The following BNC2 variants were observed in gnomAD, a reference collection of about 807,000 sequenced individuals.
The protein encoded by BNC2 is basonuclin zinc finger protein 2.
Under a neutral mutation model 76.3 loss-of-function variants are expected in BNC2, and 20 were observed. That is an observed-to-expected ratio of 0.26 (90% CI 0.18 to 0.38). The LOEUF (loss-of-function observed/expected upper bound fraction) is 0.38. Among genes scored for constraint, BNC2 ranks in the 10% least tolerant of loss-of-function variants. BNC2 has a pLI of 1.00. For missense variants in BNC2, 1,382 were observed against 1,399.8 expected, an observed-to-expected ratio of 0.99 and a Z score of 0.20; for synonymous variants, 582 against 514.8, an observed-to-expected ratio of 1.13 and a Z score of -1.77.
chr9:16,708,111 G>T (rs138935091), intron 3 of BNC2, among the ~76,000 whole-genome samples: 1 of 152,112 alleles, frequency 6.6e-6, no homozygotes, highest in Non-Finnish European at 1.5e-5. Context: ...AAAAAATGTC[G>T]TATCAGTAAG....
At chr9:16,785,599 T>C (rs1456202212) in intron 1 of BNC2, among the ~76,000 whole-genome samples, 2 of 149,970 alleles carry the variant, frequency 1.3e-5, no homozygotes, top group African/African-American at 4.9e-5. Flanking sequence ...GGTTTCACCA[T>C]GTTGGCCAGG....
chr9:16,868,596 A>C (rs973659204), intron 1 of BNC2, among the ~76,000 whole-genome samples: 1 of 152,252 alleles, frequency 6.6e-6, no homozygotes, highest in Admixed American at 6.5e-5. Context: ...CTCAAAAGAT[A>C]CTCAAAACAA....
intron 5 of BNC2, among the ~76,000 whole-genome samples, chr9:16,480,968 T>C (rs1386630025): frequency 6.6e-6 from 1 of 152,226 alleles, no homozygotes; most frequent in Non-Finnish European, 1.5e-5. Context: ...CCAGCTGGGC[T>C]CCTGAGTCTG....
At chr9:16,813,927 G>C (rs1462683635) in intron 1 of BNC2, among the ~76,000 whole-genome samples, 1 of 152,138 alleles carries the variant, frequency 6.6e-6, no homozygotes, top group Non-Finnish European at 1.5e-5. Flanking sequence ...CCAAGATCTT[G>C]TCACAATCGA....
intron 5 of BNC2, among the ~76,000 whole-genome samples, chr9:16,473,770 G>A (rs1353447081): frequency 6.6e-6 from 1 of 152,202 alleles, no homozygotes; most frequent in Non-Finnish European, 1.5e-5. Flanking sequence ...CTACTTGGGA[G>A]GCTGAGGCAG....
intron 5 of BNC2, among the ~76,000 whole-genome samples, chr9:16,545,794 C>A (rs182957997): frequency 1.0e-3 from 159 of 152,278 alleles, no homozygotes; most frequent in African/African-American, 3.8e-3. Flanking sequence ...AAATATCCCA[C>A]AGAGAACCTT....
chr9:16,719,587 C>CA (rs1587350042), intron 3 of BNC2, among the ~76,000 whole-genome samples: 1 of 152,064 alleles, frequency 6.6e-6, no homozygotes. Flanking sequence ...ATGACAGTCT[C>CA]AAAAAAGCAC....
At chr9:16,531,503 G>A (rs1363274754) in intron 5 of BNC2, among the ~76,000 whole-genome samples, 1 of 150,672 alleles carries the variant, frequency 6.6e-6, no homozygotes, top group African/African-American at 2.4e-5. Flanking sequence ...AGCCAAGTTT[G>A]TTAACGTGCA....
At position 16,471,235 on chromosome 9, in the gene BNC2, G is replaced by A. The variant is rs10962431; in HGVS notation, c.670-33711C>T. 0.019 allele frequency among the ~76,000 whole-genome samples: 2,901 copies of A among 151,352 alleles called. 244 individuals carry two copies. In the East Asian group the frequency reaches 0.28, roughly 15 times the overall value. ...CCAATTTCTCCCATTTGGAATGGCT[G>A]TATTTACCCAATACCTATACCTCCA... On this transcript the variant is annotated intron_variant, in intron 5 of 6. Coordinates refer to ENST00000380672, the MANE Select transcript of BNC2 (RefSeq NM_017637.6).
At chr9:16,529,248 T>C (rs1817904604) in intron 5 of BNC2, among the ~76,000 whole-genome samples, 1 of 152,184 alleles carries the variant, frequency 6.6e-6, no homozygotes, top group African/African-American at 2.4e-5. Context: ...GGATTTGACA[T>C]GGATATTTTG....
At chr9:16,819,650 C>A (rs1004889195) in intron 1 of BNC2, among the ~76,000 whole-genome samples, 2 of 151,126 alleles carry the variant, frequency 1.3e-5, no homozygotes, top group African/African-American at 4.9e-5. Context: ...GAGCAAGATT[C>A]CTTCTCAAAA....
At chr9:16,730,325 T>G (rs545476157) in intron 2 of BNC2, among the ~76,000 whole-genome samples, 1 of 152,236 alleles carries the variant, frequency 6.6e-6, no homozygotes, top group Admixed American at 6.5e-5. Flanking sequence ...ACATTATCAG[T>G]GTTGCAACTC....
chr9:16,834,024 C>A (rs1818644460), intron 1 of BNC2, among the ~76,000 whole-genome samples: 1 of 152,172 alleles, frequency 6.6e-6, no homozygotes, highest in African/African-American at 2.4e-5. Flanking sequence ...TAGTTAATTT[C>A]TCTGCATCCT....
At chr9:16,642,580 C>G (rs779994820) in intron 3 of BNC2, among the ~76,000 whole-genome samples, 12 of 152,214 alleles carry the variant, frequency 7.9e-5, no homozygotes, top group Middle Eastern at 3.2e-3. Context: ...GACACAAAAT[C>G]TTTGAAGCAA....
chr9:16,492,386 A>C (rs1470727983), intron 5 of BNC2, among the ~76,000 whole-genome samples: 1 of 152,202 alleles, frequency 6.6e-6, no homozygotes, highest in Non-Finnish European at 1.5e-5. Flanking sequence ...GGCTAATCTC[A>C]AAATGCACAT....
At chr9:16,786,101 G>C (rs1021521278) in intron 1 of BNC2, among the ~76,000 whole-genome samples, 15 of 152,306 alleles carry the variant, frequency 9.8e-5, no homozygotes, top group African/African-American at 3.6e-4. Context: ...TAAGTCAAAA[G>C]AGTGGAGTGG....
At chr9:16,720,679 T>G (rs1193471800) in intron 3 of BNC2, among the ~76,000 whole-genome samples, 1 of 152,240 alleles carries the variant, frequency 6.6e-6, no homozygotes, top group Non-Finnish European at 1.5e-5. Context: ...TATTTTGTTG[T>G]TAAAGGATCA....
Position 16,417,738 on chromosome 9 carries a change from G to C in BNC2, c.*1251C>G, listed in dbSNP as rs1011108681. The C allele has an allele frequency of 5.9e-5, 9 of 152,588 alleles. No individual in the cohort carries two copies. In the South Asian group the frequency reaches 6.2e-4, roughly 11 times the overall value. 9.5% of individuals were successfully genotyped at this position (152,588 alleles called of 1,614,324 possible). A position where few individuals can be genotyped will look rare whatever the true frequency, so the allele number is the denominator to read the frequency against. On this transcript the variant is annotated 3_prime_UTR_variant, in exon 7 of 7. Transcript: ENST00000380672. ...ATCTTTGTTCCGTAGCGGGTAATTTGGGCTTTTGTATCCTGAAATATTATC... is the reference window on the plus strand; with the variant it reads ...ATCTTTGTTCCGTAGCGGGTAATTTCGGCTTTTGTATCCTGAAATATTATC...
At chr9:16,613,874 G>A (rs1210915475) in intron 3 of BNC2, among the ~76,000 whole-genome samples, 1 of 152,208 alleles carries the variant, frequency 6.6e-6, no homozygotes, top group Non-Finnish European at 1.5e-5. Flanking sequence ...CAGACAGGCA[G>A]TGTATTTTCA....
Sources: allele counts gnomAD v4.1 joint callset (sites outside exome capture counted in the v4.1 genomes callset), GRCh38; gene constraint gnomAD v4.1.1; transcripts MANE v1.5; gene names NCBI Gene and HGNC (gene_info 2026-07-23, HGNC 2026-07-21).